Variants in MARCHF1 observed in about 807,000 individuals in gnomAD.
MARCHF1 encodes membrane associated ring-CH-type finger 1.
In MARCHF1, 40 loss-of-function variants were observed where a neutral mutation model predicts 54.2. The observed-to-expected ratio is 0.74, with a 90% CI of 0.57 to 0.96. MARCHF1 has a LOEUF of 0.96. MARCHF1 is among the 40% of genes least tolerant of loss of function. MARCHF1 has a pLI of 0.00. For synonymous variants in MARCHF1, 236 were observed against 236.3 expected (o/e 1.00, Z 0.01); for missense variants, 586 against 656.5 (o/e 0.89, Z 1.17).
At chr4:163,629,429 T>C (rs1264987074) in intron 5 of MARCHF1, among the ~76,000 whole-genome samples, 85 of 152,132 alleles carry the variant, frequency 5.6e-4, no homozygotes, top group Non-Finnish European at 8.8e-5. Flanking sequence ...AAGACTTAAA[T>C]GTAAGACCTA....
intron 1 of MARCHF1, among the ~76,000 whole-genome samples, chr4:164,343,894 A>G (rs1729998047): frequency 6.6e-6 from 1 of 152,210 alleles, no homozygotes; most frequent in Non-Finnish European, 1.5e-5. Context: ...AAAGGAATAT[A>G]AACAGTTCTA....
chr4:164,161,858 AATG>A (rs1730248083), intron 1 of MARCHF1, among the ~76,000 whole-genome samples: 1 of 152,112 alleles, frequency 6.6e-6, no homozygotes, highest in Non-Finnish European at 1.5e-5. Flanking sequence ...TCCAAATTCC[AATG>A]ATATGTTGTT....
intron 4 of MARCHF1, among the ~76,000 whole-genome samples, chr4:163,773,106 T>A (rs1047385850): frequency 6.6e-6 from 1 of 152,140 alleles, no homozygotes; most frequent in Non-Finnish European, 1.5e-5. Flanking sequence ...CAGAAAAGAA[T>A]GAATGTCCAC....
intron 4 of MARCHF1, among the ~76,000 whole-genome samples, chr4:163,802,015 A>G (rs1561085264): frequency 6.6e-6 from 1 of 152,120 alleles, no homozygotes; most frequent in African/African-American, 2.4e-5. Context: ...AATCTCACAG[A>G]CTTACAGATT....
At chr4:163,689,133 C>T (rs988458220) in intron 5 of MARCHF1, among the ~76,000 whole-genome samples, 9 of 152,156 alleles carry the variant, frequency 5.9e-5, no homozygotes, top group Admixed American at 2.0e-4. Context: ...TACCACAATA[C>T]CACAGTTACA....
intron 1 of MARCHF1, among the ~76,000 whole-genome samples, chr4:164,286,113 T>A (rs1579689822): frequency 6.6e-6 from 1 of 152,112 alleles, no homozygotes; most frequent in African/African-American, 2.4e-5. Context: ...CTATAGAACA[T>A]CTTTTAGTAC....
chr4:163,929,731 A>C (rs1298070977), intron 3 of MARCHF1, among the ~76,000 whole-genome samples: 1 of 149,506 alleles, frequency 6.7e-6, no homozygotes, highest in Non-Finnish European at 1.5e-5. Context: ...ATAACCATCT[A>C]CTCCTCAGGT....
intron 1 of MARCHF1, among the ~76,000 whole-genome samples, chr4:164,253,663 G>A (rs1733187543): frequency 6.6e-6 from 1 of 151,974 alleles, no homozygotes; most frequent in Non-Finnish European, 1.5e-5. Context: ...AAAATGTTAA[G>A]CATATACGTG....
chr4:163,968,605 G>T (rs1212532246), intron 3 of MARCHF1, among the ~76,000 whole-genome samples: 1 of 152,066 alleles, frequency 6.6e-6, no homozygotes, highest in African/African-American at 2.4e-5. Context: ...CCTACTCTAT[G>T]CTGAGCACTT....
chr4:163,975,188 TCTCTCTCTCACACACA>T (rs1560843884), intron 3 of MARCHF1, among the ~76,000 whole-genome samples: 4 of 133,884 alleles, frequency 3.0e-5, no homozygotes, highest in African/African-American at 6.8e-5. Flanking sequence ...TCTCTCTCTC[TCTCTCTCTCACACACA>T]CACACACACA....
rs565337090 is a variant in MARCHF1, at chr4:164,249,169, G to T, written c.-323+134701C>A. Among the ~76,000 whole-genome samples the T allele has an allele frequency of 1.7e-3, 257 of 152,186 alleles. 1 individual carries two copies. The highest frequency in any genetic ancestry group is 5.8e-3 in the African/African-American group (243 of 41,562). Reference sequence around the variant, plus strand: ...AGAAGATACAGATTCTGCCATCAAGGCTCTTAAAGATTAACAGAGGAAGAA... The same window carrying T: ...AGAAGATACAGATTCTGCCATCAAGTCTCTTAAAGATTAACAGAGGAAGAA... On this transcript the variant is annotated intron_variant, in intron 1 of 9. Coordinates refer to ENST00000514618, the MANE Select transcript of MARCHF1 (RefSeq NM_001394959.1).
At chr4:164,203,505 G>T (rs1353869700) in intron 1 of MARCHF1, among the ~76,000 whole-genome samples, 1 of 152,108 alleles carries the variant, frequency 6.6e-6, no homozygotes, top group Admixed American at 6.6e-5. Flanking sequence ...TCTTTTGTTC[G>T]ATTGCAGTCT....
intron 1 of MARCHF1, chr4:164,190,431 G>C: frequency 9.2e-6 from 4 of 434,602 alleles, no homozygotes; most frequent in Non-Finnish European, 1.6e-5. Context: ...AATGTAATTG[G>C]AATTGTCACC....
intron 1 of MARCHF1, among the ~76,000 whole-genome samples, chr4:164,302,034 T>G (rs910353693): frequency 2.6e-5 from 4 of 152,136 alleles, no homozygotes; most frequent in African/African-American, 9.7e-5. Context: ...GTCTCTGAAT[T>G]AGGAGACATA....
At chr4:164,016,389 A>G (rs542907850) in intron 2 of MARCHF1, among the ~76,000 whole-genome samples, 46 of 152,160 alleles carry the variant, frequency 3.0e-4, no homozygotes, top group African/African-American at 1.1e-3. Flanking sequence ...ATCATCTCAC[A>G]CTAGGTCTCT....
chr4:164,137,407 C>A (rs1309091593), intron 1 of MARCHF1, among the ~76,000 whole-genome samples: 3 of 152,010 alleles, frequency 2.0e-5, no homozygotes, highest in African/African-American at 7.2e-5. Context: ...ACATGACAGA[C>A]AAAACTTGAT....
intron 2 of MARCHF1, among the ~76,000 whole-genome samples, chr4:164,015,706 A>C (rs1753524870): frequency 6.7e-6 from 1 of 148,242 alleles, no homozygotes; most frequent in Admixed American, 6.7e-5. Context: ...TAGTATATGA[A>C]AAAAAAAATG....
intron 2 of MARCHF1, among the ~76,000 whole-genome samples, chr4:164,007,846 A>G (rs1326459173): frequency 1.3e-5 from 2 of 152,192 alleles, no homozygotes; most frequent in African/African-American, 4.8e-5. Context: ...AAAGCAACAA[A>G]TTAAACTGTC....
intron 1 of MARCHF1, among the ~76,000 whole-genome samples, chr4:164,307,680 C>T (rs1579707376): frequency 6.6e-6 from 1 of 152,232 alleles, no homozygotes; most frequent in African/African-American, 2.4e-5. Flanking sequence ...TCACCCTCTA[C>T]ATAAGAGACT....
Sources: gnomAD v4.1 joint callset for allele counts (sites outside exome capture counted in the v4.1 genomes callset) on GRCh38, gnomAD v4.1.1 for gene constraint, MANE v1.5 for transcripts, NCBI Gene and HGNC (gene_info 2026-07-23, HGNC 2026-07-21) for gene names.